Variants in NUP58 observed in about 807,000 individuals in gnomAD.
NUP58 encodes nucleoporin p58/p45.
A neutral mutation model predicts 70.1 loss-of-function variants in NUP58; 17 were observed. The observed-to-expected ratio is 0.24, with a 90% CI of 0.17 to 0.36. NUP58 has a LOEUF of 0.36. NUP58 is among the 10% of genes least tolerant of loss of function. NUP58 has a pLI of 1.00. For missense variants in NUP58, 644 were observed against 701.5 expected (o/e 0.92, Z 0.93); for synonymous variants, 275 against 257.6 (o/e 1.07, Z -0.65).
At chr13:25,320,704 C>T (rs2031144025) in intron 8 of NUP58, 109 bp downstream of exon 8, 1 of 824,216 alleles carries the variant, frequency 1.2e-6, no homozygotes, top group Non-Finnish European at 1.9e-6. Context: ...CATCTCTTAA[C>T]TAGGGTTAAA....
chr13:25,328,395 CTTTTTTTTTT>C (rs397851817), intron 12 of NUP58, among the ~76,000 whole-genome samples: 2 of 91,986 alleles, frequency 2.2e-5, no homozygotes, highest in African/African-American at 3.5e-5. Context: ...CTGACTCTCG[CTTTTTTTTTT>C]TTTTTTTTGA....
chr13:25,339,864 T>G, intron 15 of NUP58, 101 bp from the exon 16 acceptor site: 1 of 992,790 alleles, frequency 1.0e-6, no homozygotes, highest in African/African-American at 1.7e-5. Context: ...TTCTTACAGA[T>G]TATGTATTCT....
At chr13:25,313,884 A>G (rs2030800590) in intron 5 of NUP58, 133 bp downstream of exon 5, 3 of 628,536 alleles carry the variant, frequency 4.8e-6, no homozygotes, top group African/African-American at 3.9e-5. Context: ...AAATTATAAA[A>G]TGATGGTTTT....
intron 13 of NUP58, chr13:25,336,261 C>G: frequency 7.3e-7 from 1 of 1,365,682 alleles, no homozygotes; most frequent in Non-Finnish European, 9.8e-7. Context: ...ACTCAATTAT[C>G]ACTTTTTGTG....
intron 12 of NUP58, among the ~76,000 whole-genome samples, chr13:25,329,613 G>A (rs532215829): frequency 1.7e-3 from 265 of 152,250 alleles, no homozygotes; most frequent in African/African-American, 5.1e-3. Flanking sequence ...GCTTAGTTTA[G>A]TGAGCAAACT....
rs1473453824 is a variant in NUP58, at chr13:25,304,968, GTAC to G, written c.108-2834_108-2832del. 2.0e-5 allele frequency among the ~76,000 whole-genome samples: 3 copies of G among 152,132 alleles called. No homozygotes were observed. The East Asian group carries it at 5.8e-4, about 29-fold the overall frequency. On this transcript the variant is annotated intron_variant, in intron 1 of 15. Transcript: ENST00000381736. ...TGGCATATATGCCCCTTTTATGGTT[GTAC>G]TACCTATGTTGTCTGGATATAGCCA...
At chr13:25,342,652 C>T (rs190248443), downstream of NUP58, among the ~76,000 whole-genome samples, 17 of 151,914 alleles carry the variant, frequency 1.1e-4, no homozygotes, top group African/African-American at 3.4e-4. Flanking sequence ...AGGAAAAATC[C>T]CTTTGAACTT....
rs754945908 is a variant in NUP58 at position 25,327,421 on chromosome 13, C to A, written c.1151-9C>A. 6.4e-7 allele frequency: 1 copy of A among 1,571,810 alleles called. No homozygotes were observed. The highest frequency in any genetic ancestry group is 8.7e-7 in the Non-Finnish European group (1 of 1,145,930). ...TATATTTGGGTGATAATGTAATTTT[C>A]TTTTATAGATTTGTCAATGGCTATG... On this transcript the variant is annotated splice_polypyrimidine_tract_variant and intron_variant, in intron 11 of 15. Coordinates refer to ENST00000381736, the MANE Select transcript of NUP58 (RefSeq NM_014089.4).
intron 9 of NUP58, among the ~76,000 whole-genome samples, chr13:25,323,044 C>T (rs2031250973): frequency 6.6e-6 from 1 of 152,142 alleles, no homozygotes; most frequent in African/African-American, 2.4e-5. Flanking sequence ...TGATTGCATT[C>T]ACCGCTGTTT....
At chr13:25,305,561 T>C (rs2030306611) in intron 1 of NUP58, among the ~76,000 whole-genome samples, 1 of 152,118 alleles carries the variant, frequency 6.6e-6, no homozygotes, top group African/African-American at 2.4e-5. Context: ...CAAACACATT[T>C]TAAAAATCAG....
chr13:25,346,446 C>T (rs564594678), downstream of NUP58, among the ~76,000 whole-genome samples: 10 of 152,150 alleles, frequency 6.6e-5, no homozygotes, highest in East Asian at 1.7e-3. Flanking sequence ...GAAGGCCAGG[C>T]GTGGTGCTCA....
intron 4 of NUP58, 128 bp from the exon 5 acceptor site, chr13:25,313,486 A>G: frequency 1.2e-6 from 1 of 804,506 alleles, no homozygotes; most frequent in Non-Finnish European, 1.9e-6. Context: ...TGTAATTTTT[A>G]GCAAGTAGTT....
chr13:25,302,099 G>T (rs1326761326), intron 1 of NUP58, among the ~76,000 whole-genome samples: 1 of 152,280 alleles, frequency 6.6e-6, no homozygotes, highest in East Asian at 1.9e-4. Context: ...GTTCTGTGCT[G>T]TGAGGTTTCC....
At chr13:25,328,060 A>G (rs961397309) in intron 12 of NUP58, among the ~76,000 whole-genome samples, 3 of 151,946 alleles carry the variant, frequency 2.0e-5, no homozygotes, top group Admixed American at 2.0e-4. Context: ...TTAGCCGGGT[A>G]TGGTGGCGGG....
chr13:25,342,479 G>A (rs964342458), downstream of NUP58: 2 of 152,452 alleles, frequency 1.3e-5, no homozygotes, highest in African/African-American at 2.4e-5. Context: ...TTTAGTCTCC[G>A]GTTGGGTTTT....
intron 1 of NUP58, chr13:25,302,915 C>T (rs755078689): frequency 2.2e-6 from 1 of 453,800 alleles, no homozygotes; most frequent in South Asian, 1.6e-5. Flanking sequence ...TTCTGTTTGT[C>T]TTTATTTCCA....
At chr13:25,346,126 A>G (rs893137726), downstream of NUP58, among the ~76,000 whole-genome samples, 2 of 152,192 alleles carry the variant, frequency 1.3e-5, no homozygotes, top group Non-Finnish European at 2.9e-5. Flanking sequence ...GGAATTTAGG[A>G]ATATAAATAC....
chr13:25,334,001 GA>G (rs1334613345), intron 13 of NUP58: 1 of 985,196 alleles, frequency 1.0e-6, no homozygotes, highest in African/African-American at 1.7e-5. Flanking sequence ...TTTCTCAGAG[GA>G]GGAGGAATAG....
At chr13:25,338,577 A>C (rs2031861259) in intron 14 of NUP58, 59 bp from the exon 15 acceptor site, 8 of 1,272,082 alleles carry the variant, frequency 6.3e-6, no homozygotes, top group Non-Finnish European at 9.2e-6. Context: ...GTACTTGTCC[A>C]TATCCTTTAA....
Sources: gnomAD v4.1 joint callset for allele counts (sites outside exome capture counted in the v4.1 genomes callset) on GRCh38, gnomAD v4.1.1 for gene constraint, MANE v1.5 for transcripts, NCBI Gene and HGNC (gene_info 2026-07-23, HGNC 2026-07-21) for gene names.